SCYL3: variants seen among roughly 807,000 people sequenced by gnomAD.
SCYL3 encodes SCY1 like pseudokinase 3.
Under a neutral mutation model 73.8 loss-of-function variants are expected in SCYL3, and 35 were observed. That is an observed-to-expected ratio of 0.47 (90% confidence interval 0.36 to 0.63). The LOEUF (loss-of-function observed/expected upper bound fraction) is 0.63. Among genes scored for constraint, SCYL3 ranks in the 20% least tolerant of loss-of-function variants. The probability of loss-of-function intolerance (pLI) is 0.00; values close to 1 mark genes in which losing one functional copy is unlikely to be tolerated. For synonymous variants in SCYL3, 277 were observed against 295.2 expected, an observed-to-expected ratio of 0.94 and a Z score of 0.63; for missense variants, 712 against 798.9, an observed-to-expected ratio of 0.89 and a Z score of 1.31.
intron 1 of SCYL3, among the ~76,000 whole-genome samples, chr1:169,892,252 T>G (rs1482509162): frequency 1.5e-5 from 2 of 132,500 alleles, no homozygotes; most frequent in African/African-American, 5.0e-5. Flanking sequence ...AGAAGTTTTT[T>G]TGTTTGTTTT....
At chr1:169,853,918 A>C (rs1359293809) in intron 12 of SCYL3, 146 bp from the exon 13 acceptor site, 23 of 867,558 alleles carry the variant, frequency 2.7e-5, no homozygotes, top group Non-Finnish European at 4.0e-5. Flanking sequence ...TTAGAGCTCT[A>C]ACAGAAAGTT....
At chr1:169,855,028 G>A in intron 11 of SCYL3, 64 bp from the exon 12 acceptor site, 4 of 1,197,840 alleles carry the variant, frequency 3.3e-6, no homozygotes, top group South Asian at 1.5e-5. Context: ...CTTATGGGAA[G>A]GATAGCATTA....
chr1:169,875,696 TG>T (rs1427882340), intron 4 of SCYL3, among the ~76,000 whole-genome samples: 2 of 152,240 alleles, frequency 1.3e-5, no homozygotes, highest in African/African-American at 4.8e-5. Context: ...CAAGGTACTA[TG>T]GGGCAGAGAG....
At position 169,852,776 on chromosome 1, in the gene SCYL3, T is replaced by C. The variant is rs368906832; in HGVS notation, c.*937A>G. On this transcript the variant is annotated 3_prime_UTR_variant, in exon 13 of 13. Coordinates refer to ENST00000367771, the MANE Select transcript of SCYL3 (RefSeq NM_020423.7). ...AGAATGGATATTGTGATATTACTTATGTTTTTTTTCCAGCCTTATGCAAAA... is the reference window on the plus strand; with the variant it reads ...AGAATGGATATTGTGATATTACTTACGTTTTTTTTCCAGCCTTATGCAAAA... 43 of 1,612,186 alleles carry C rather than the reference T, an allele frequency of 2.7e-5. No homozygotes were observed. Among genetic ancestry groups the C allele is most frequent in the Middle Eastern group, 1.6e-4 (1 of 6,066 alleles).
At chr1:169,871,579 C>G (rs972431903) in intron 5 of SCYL3, among the ~76,000 whole-genome samples, 3 of 152,158 alleles carry the variant, frequency 2.0e-5, no homozygotes, top group African/African-American at 7.2e-5. Context: ...ATGGAAGGGA[C>G]TTTGGAACTG....
rs562875528 is a variant in SCYL3, at chr1:169,854,709, C to A, written c.1568G>T (p.Ser523Ile). ...TCCTGGGTTTACTTTAGTATCTAAG[C>A]TGCTGGGCTCGCAGTCATCCCAAGA... ...ESSWDDCEPS[S>I]LDTKVNPGGG... is the part of the protein sequence containing the mutation. Residue 523 changes from serine (S) to isoleucine (I), a missense_variant, in exon 12 of 13, where the codon AGC becomes ATC. By Grantham distance (142) the Ser-to-Ile change is moderately radical (BLOSUM62 -2). Coordinates refer to ENST00000367771, the MANE Select transcript of SCYL3 (RefSeq NM_020423.7). 7.4e-6 allele frequency: 12 copies of A among 1,614,028 alleles called. No homozygotes were observed. The South Asian group carries it at 1.3e-4, about 18-fold the overall frequency.
In SCYL3 at chr1:169,853,915, T is replaced by C. The variant is rs998571945; in HGVS notation, c.2008-143A>G. On this transcript the variant is annotated intron_variant, in intron 12 of 12. Coordinates refer to ENST00000367771, the MANE Select transcript of SCYL3 (RefSeq NM_020423.7). ...CGTACTAAGTAAAATAACTTAGAGCTCTAACAGAAAGTTGAAAAGTAGGAT... is the reference window on the plus strand; with the variant it reads ...CGTACTAAGTAAAATAACTTAGAGCCCTAACAGAAAGTTGAAAAGTAGGAT... The C allele has an allele frequency of 3.4e-6, 3 of 889,104 alleles. No homozygotes were observed. In the East Asian group the frequency reaches 7.6e-5, roughly 22 times the overall value. 55.1% of individuals were successfully genotyped at this position (889,104 alleles called of 1,614,324 possible). A position where few individuals can be genotyped will look rare whatever the true frequency, so the allele number is the denominator to read the frequency against.
rs761286807 is a variant in SCYL3, at chr1:169,859,046, A to T, written c.1307T>A (p.Leu436Gln). ...GACCTTTTAATAATTCTTACCTTCT[A>T]GAGAAAGGTCAGTATTTTTAGTAAA... ...PSFTKNTDLS[L>Q]EGDPFSQPIK... The change falls in exon 11 of 13, where the codon CTA (leucine) becomes CAA (glutamine). Residue 436 changes from leucine to glutamine, a missense_variant. By Grantham distance (113) the Leu-to-Gln change is moderately radical. Coordinates refer to ENST00000367771, the MANE Select transcript of SCYL3 (RefSeq NM_020423.7). 1.2e-6 allele frequency: 2 copies of T among 1,612,214 alleles called. No homozygotes were observed. Among genetic ancestry groups the T allele is most frequent in the East Asian group, 2.2e-5 (1 of 44,890 alleles).
In SCYL3 at chr1:169,854,366, T is replaced by C. The variant is rs1658915041; in HGVS notation, c.1911A>G (p.Ile637Met). 1 of 1,614,056 alleles carries C rather than the reference T, an allele frequency of 6.2e-7. No homozygotes were observed. The highest frequency in any genetic ancestry group is 8.5e-7 in the Non-Finnish European group (1 of 1,179,960). The change falls in exon 12 of 13, where the codon ATA (isoleucine) becomes ATG (methionine). Residue 637 changes from isoleucine to methionine, a missense_variant. This residue lies in a region of SCYL3 where 370 missense variants were observed against 350.8 expected (regional missense o/e 1.05). Coordinates refer to ENST00000367771, the MANE Select transcript of SCYL3 (RefSeq NM_020423.7). ...CCATTTCTGTCCTCAGTTCAGGTAA[T>C]ATAAGAAAAGCAGCAGAAGGCTTAA... is the stretch of plus-strand genomic sequence containing the variant. Reference protein sequence around the residue: ...PEIKPSAAFLILPELRTEMVP... With the variant: ...PEIKPSAAFLMLPELRTEMVP...
chr1:169,863,284 ATTATG>A (rs1178755436), intron 9 of SCYL3, among the ~76,000 whole-genome samples: 8 of 152,214 alleles, frequency 5.3e-5, no homozygotes, highest in Admixed American at 4.6e-4. Context: ...TTAACGCTTA[ATTATG>A]TTAAGTACAC....
At chr1:169,867,110 C>G (rs982987887) in intron 7 of SCYL3, 137 bp from the exon 8 acceptor site, 1 of 582,366 alleles carries the variant, frequency 1.7e-6, no homozygotes, top group African/African-American at 1.9e-5. Flanking sequence ...TCTATTACAA[C>G]TAAGTAGCTT....
At chr1:169,865,937 GCTCA>G (rs1204576031) in intron 8 of SCYL3, among the ~76,000 whole-genome samples, 2 of 152,048 alleles carry the variant, frequency 1.3e-5, no homozygotes, top group Non-Finnish European at 2.9e-5. Flanking sequence ...TACAATTTGG[GCTCA>G]CTGTCCTTTT....
intron 7 of SCYL3, 114 bp downstream of exon 7, chr1:169,868,814 C>T (rs757850266): frequency 1.2e-5 from 8 of 656,384 alleles, no homozygotes; most frequent in African/African-American, 5.4e-5. Context: ...TAATTAACAA[C>T]AGAAACTGCA....
At position 169,852,910 on chromosome 1, in the gene SCYL3, G is replaced by T. The variant is rs1444313855; in HGVS notation, c.*803C>A. 6.2e-7 allele frequency: 1 copy of T among 1,614,132 alleles called. No homozygotes were observed. Among genetic ancestry groups the T allele is most frequent in the Non-Finnish European group, 8.5e-7 (1 of 1,180,002 alleles). ...ACTACTCCAAAAGGGTCCTGCTCCA[G>T]CCTGGCTTTCAATGGAAATGGAGGC... On this transcript the variant is annotated 3_prime_UTR_variant, in exon 13 of 13. Transcript: ENST00000367771.
chr1:169,855,755 A>G (rs1348456598), intron 11 of SCYL3: 2 of 1,572,246 alleles, frequency 1.3e-6, no homozygotes, highest in East Asian at 4.5e-5. Context: ...GAAAACATTC[A>G]TCCAAGCAAT....
Position 169,852,395 on chromosome 1 carries a change from ATAGTAAT to A in SCYL3, c.*1311_*1317del, listed in dbSNP as rs145525435. 0.038 allele frequency: 10,432 copies of A among 276,390 alleles called. 281 individuals are homozygous for A. The highest frequency in any genetic ancestry group is 0.065 in the Admixed American group (1,295 of 19,878). The allele number at this position is 276,390 out of a possible 1,614,324, so 17.1% of individuals were successfully genotyped here. On this transcript the variant is annotated 3_prime_UTR_variant, in exon 13 of 13. Coordinates refer to ENST00000367771, the MANE Select transcript of SCYL3 (RefSeq NM_020423.7). ...AAATATTGTTTTGAGCACTATTAGTATAGTAATTAGTATAGTAGTAATTCATGAAGAA... is the reference window on the plus strand; with the variant it reads ...AAATATTGTTTTGAGCACTATTAGTATAGTATAGTAGTAATTCATGAAGAA...
chr1:169,859,288 G>T, intron 10 of SCYL3, 76 bp from the exon 11 acceptor site: 2 of 1,374,340 alleles, frequency 1.5e-6, no homozygotes, highest in Non-Finnish European at 9.9e-7. Context: ...GAGCAATTGG[G>T]CTGCAAACAG....
Position 169,854,961 on chromosome 1 carries a change from T to G in SCYL3, c.1316A>C (p.Asp439Ala), listed in dbSNP as rs1658983020. Reference sequence around the variant, plus strand: ...AAATTTAATAGGCTGAGAAAATGGATCGCCTGTAGGGAAAATAATTATTCT... The same window carrying G: ...AAATTTAATAGGCTGAGAAAATGGAGCGCCTGTAGGGAAAATAATTATTCT... ...TKNTDLSLEG[D>A]PFSQPIKFPI... Residue 439 changes from aspartate (D) to alanine (A), a missense_variant, in exon 12 of 13, where the codon GAT (aspartate) becomes GCT (alanine). By Grantham distance (126) the Asp-to-Ala change is moderately radical. This residue lies in a region of SCYL3 where 370 missense variants were observed against 350.8 expected (regional missense o/e 1.05). Transcript: ENST00000367771. The G allele has an allele frequency of 6.3e-7, 1 of 1,596,856 alleles. No homozygotes were observed. Among genetic ancestry groups the G allele is most frequent in the African/African-American group, 1.3e-5 (1 of 74,092 alleles).
intron 11 of SCYL3, chr1:169,855,700 T>C: frequency 8.9e-7 from 1 of 1,126,298 alleles, no homozygotes; most frequent in Non-Finnish European, 1.2e-6. Flanking sequence ...TACAAATAAA[T>C]CAGTCTCAAA....
Sources: allele counts gnomAD v4.1 joint callset (sites outside exome capture counted in the v4.1 genomes callset), GRCh38; gene constraint gnomAD v4.1.1; regional missense constraint gnomAD v4.1.1; transcripts MANE v1.5; gene names NCBI Gene and HGNC (gene_info 2026-07-23, HGNC 2026-07-21).